The following COMT variants were observed in gnomAD, a reference collection of about 807,000 sequenced individuals.
COMT encodes the protein catechol-O-methyltransferase.
Under a neutral mutation model 18.9 loss-of-function variants are expected in COMT, and 13 were observed. The observed-to-expected ratio is 0.69, with a 90% confidence interval of 0.45 to 1.09. The LOEUF (loss-of-function observed/expected upper bound fraction) is 1.09. COMT is among the 50% of genes least tolerant of loss of function. The pLI is 0.00. For missense variants in COMT, 329 were observed against 361.8 expected, an observed-to-expected ratio of 0.91 and a Z score of 0.73; for synonymous variants, 150 against 160.9, an observed-to-expected ratio of 0.93 and a Z score of 0.51.
At chr22:19,958,991 A>G (rs1277851166) in intron 1 of COMT, among the ~76,000 whole-genome samples, 1 of 152,172 alleles carries the variant, frequency 6.6e-6, no homozygotes, top group Admixed American at 6.5e-5. Flanking sequence ...CCACAGGGGC[A>G]TTCAAAACTG....
chr22:19,948,543 C>G (rs1941876438), intron 1 of COMT, among the ~76,000 whole-genome samples: 1 of 152,070 alleles, frequency 6.6e-6, no homozygotes. Flanking sequence ...GTCTGTAGTC[C>G]CATGTACTCT....
At chr22:19,956,121 T>TTTTTTTTTC in intron 1 of COMT, among the ~76,000 whole-genome samples, 19 of 39,186 alleles carry the variant, frequency 4.8e-4, no homozygotes, top group African/African-American at 1.9e-3. Context: ...TCTTTCTTTC[T>TTTTTTTTTC]TTTTTTTCTT....
chr22:19,963,639 C>T lies in COMT; in HGVS notation c.363C>T (p.Tyr121=). ...TGGAGCTGGGGGCCTACTGTGGCTACTCAGCTGTGCGCATGGCCCGCCTGC... is the reference window on the plus strand; with the variant it reads ...TGGAGCTGGGGGCCTACTGTGGCTATTCAGCTGTGCGCATGGCCCGCCTGC... ...VLLELGAYCG[Y]SAVRMARLLS... is the part of the protein sequence containing the mutation. The change falls in exon 4 of 6, where the codon TAC becomes TAT. Residue 121 remains tyrosine (Y), a synonymous_variant. Coordinates refer to ENST00000361682, the MANE Select transcript of COMT (RefSeq NM_000754.4). 6.2e-7 allele frequency: 1 copy of T among 1,612,812 alleles called. No individual in the cohort carries two copies. The highest frequency in any genetic ancestry group is 1.1e-5 in the South Asian group (1 of 91,086).
Position 19,958,575 on chromosome 22 carries a change from TAAA to T in COMT, c.-91-2606_-91-2604del, listed in dbSNP as rs361574. Among the ~76,000 whole-genome samples, 118 of 121,648 alleles carry T rather than the reference TAAA, an allele frequency of 9.7e-4. No individual in the cohort carries two copies. In the East Asian group the frequency reaches 0.011, roughly 12 times the overall value. The allele number at this position is 121,648 out of a possible 152,430, so 79.8% of individuals were successfully genotyped here. ...CCTTGCTAACACTTGTTATTTTCCT[TAAA>T]AAAAAAAAAAAAAAAAAGCCAGCTG... On this transcript the variant is annotated intron_variant, in intron 1 of 5. Transcript: ENST00000361682.
chr22:19,960,001 G>C (rs973273990), intron 1 of COMT, among the ~76,000 whole-genome samples: 2 of 152,368 alleles, frequency 1.3e-5, no homozygotes, highest in East Asian at 1.9e-4. Context: ...CTCCTGCCAG[G>C]CAAAGGAAGG....
At chr22:19,957,036 C>T (rs894739885) in intron 1 of COMT, among the ~76,000 whole-genome samples, 16 of 151,218 alleles carry the variant, frequency 1.1e-4, no homozygotes, top group African/African-American at 3.4e-4. Flanking sequence ...CTGCAAGCTC[C>T]GCCTCTGGGG....
At chr22:19,946,910 G>GGTTTTTTTTTTTTTTTTTTTT (rs763607822) in intron 1 of COMT, among the ~76,000 whole-genome samples, 1 of 117,120 alleles carries the variant, frequency 8.5e-6, no homozygotes. Context: ...TTTTTTTTTA[G>GGTTTTTTTTTTTTTTTTTTTT]TTTTTTTTTT....
rs769492487 is a variant in COMT, at chr22:19,964,287, G to T, written c.603G>T (p.Thr201=). 8 of 1,613,890 alleles carry T rather than the reference G, an allele frequency of 5.0e-6. No individual in the cohort carries two copies. The African/African-American group carries it at 1.1e-4, about 22-fold the overall frequency. Reference sequence around the variant, plus strand: ...GGAAGGACCGGTACCTGCCGGACACGCTTCTCTTGGAGGTGAGCCCCAACC... The same window carrying T: ...GGAAGGACCGGTACCTGCCGGACACTCTTCTCTTGGAGGTGAGCCCCAACC... ...DHWKDRYLPD[T]LLLEECGLLR... is the part of the protein sequence containing the mutation. Residue 201 remains threonine, a synonymous_variant, in exon 5 of 6, where the codon ACG becomes ACT. Transcript: ENST00000361682.
rs2146120385 is a variant in COMT, at chr22:19,941,783, C to T, written c.-206C>T. The T allele has an allele frequency of 6.5e-7, 1 of 1,528,628 alleles. No individual in the cohort carries two copies. The highest frequency in any genetic ancestry group is 8.7e-7 in the Non-Finnish European group (1 of 1,148,114). The allele number at this position is 1,528,628 out of a possible 1,614,324, so 94.7% of individuals were successfully genotyped here. A position where few individuals can be genotyped will look rare whatever the true frequency, so the allele number is the denominator to read the frequency against. On this transcript the variant is annotated 5_prime_UTR_variant, in exon 1 of 6. Transcript: ENST00000361682. The stretch of plus-strand genomic sequence containing the variant: ...GGAAGCGCCCTCCTAATCCCCGCAG[C>T]GCCACCGCCATTGCCGCCATCGTCG...
chr22:19,950,880 T>C (rs1357012624), intron 1 of COMT: 1 of 152,136 alleles, frequency 6.6e-6, no homozygotes, highest in Non-Finnish European at 1.5e-5. Context: ...CAGTTTTGTT[T>C]TGATGTGCTG....
At position 19,944,436 on chromosome 22, in the gene COMT, G is replaced by A. The variant is rs764274095; in HGVS notation, c.-92+2539G>A. On this transcript the variant is annotated intron_variant, in intron 1 of 5. Transcript: ENST00000361682. ...GGTGGTGCACTCAGGAGGCTGAGGCGGGATAATCGCTTGAACTGGGAGGTG... is the reference window on the plus strand; with the variant it reads ...GGTGGTGCACTCAGGAGGCTGAGGCAGGATAATCGCTTGAACTGGGAGGTG... 2.4e-4 allele frequency among the ~76,000 whole-genome samples: 37 copies of A among 152,016 alleles called. 1 individual carries two copies. Among genetic ancestry groups the A allele is most frequent in the Non-Finnish European group, 4.9e-4 (33 of 67,978 alleles).
rs747375116 is a variant in COMT, at chr22:19,968,557, G to T, written c.637G>T (p.Gly213Trp). Residue 213 changes from glycine to tryptophan, a missense_variant, in exon 6 of 6, where the codon GGG becomes TGG. Transcript: ENST00000361682. The part of the protein sequence containing the change: ...LLEECGLLRK[G>W]TVLLADNVIC... ...GCAGGAATGTGGCCTGCTGCGGAAGGGGACAGTGCTACTGGCTGACAACGT... is the reference window on the plus strand; with the variant it reads ...GCAGGAATGTGGCCTGCTGCGGAAGTGGACAGTGCTACTGGCTGACAACGT... 41 of 1,614,066 alleles carry T rather than the reference G, an allele frequency of 2.5e-5. No homozygotes were observed. Among genetic ancestry groups the T allele is most frequent in the Non-Finnish European group, 3.4e-5 (40 of 1,180,010 alleles).
In COMT at chr22:19,962,686, A is replaced by G. The variant is rs1179632437; in HGVS notation, c.160A>G (p.Thr54Ala). Residue 54 changes from threonine to alanine, a missense_variant, in exon 3 of 6, where the codon ACC (threonine) becomes GCC (alanine). Thr to Ala is a moderately conservative substitution (Grantham distance 58, BLOSUM62 0). Coordinates refer to ENST00000361682, the MANE Select transcript of COMT (RefSeq NM_000754.4). ...QPIHNLLMGD[T>A]KEQRILNHVL... is the part of the protein sequence containing the mutation. ...CATCCACAACCTGCTCATGGGTGAC[A>G]CCAAGGAGCAGCGCATCCTGAACCA... 4 of 1,613,500 alleles carry G rather than the reference A, an allele frequency of 2.5e-6. No homozygotes were observed. The East Asian group carries it at 6.7e-5, about 27-fold the overall frequency.
intron 1 of COMT, among the ~76,000 whole-genome samples, chr22:19,948,297 C>T (rs1941872989): frequency 6.6e-6 from 1 of 151,756 alleles, no homozygotes; most frequent in Admixed American, 6.6e-5. Flanking sequence ...TATAAGGTCA[C>T]AGGACAGATC....
intron 1 of COMT, among the ~76,000 whole-genome samples, chr22:19,953,654 C>T (rs931911781): frequency 2.0e-5 from 3 of 152,176 alleles, no homozygotes; most frequent in Non-Finnish European, 4.4e-5. Flanking sequence ...AGGGCAGGCT[C>T]CCGGGCTCAG....
chr22:19,947,319 G>T (rs1389273943), intron 1 of COMT, among the ~76,000 whole-genome samples: 1 of 152,130 alleles, frequency 6.6e-6, no homozygotes, highest in Non-Finnish European at 1.5e-5. Flanking sequence ...ATGAGAGATC[G>T]TAGAAATAAA....
chr22:19,951,593 T>C (rs766895893), intron 1 of COMT: 5 of 152,130 alleles, frequency 3.3e-5, no homozygotes, highest in Non-Finnish European at 5.9e-5. Context: ...CGGATGGTGG[T>C]TCCCATCCAG....
In COMT at chr22:19,941,870, C is replaced by T. The variant is rs1051864281; in HGVS notation, c.-119C>T. 2.2e-5 allele frequency: 31 copies of T among 1,403,390 alleles called. No homozygotes were observed. The highest frequency in any genetic ancestry group is 3.3e-5 in the Admixed American group (1 of 30,064). The allele number at this position is 1,403,390 out of a possible 1,614,324, so 86.9% of individuals were successfully genotyped here. ...TGCCTGCGCCGGACCGGGGCGGGTC[C>T]AGTCCCGGGCGGGCCGTCGCGGGAG... On this transcript the variant is annotated 5_prime_UTR_variant, in exon 1 of 6. Transcript: ENST00000361682.
chr22:19,954,512 GC>G (rs1942018591), intron 1 of COMT, among the ~76,000 whole-genome samples: 1 of 152,176 alleles, frequency 6.6e-6, no homozygotes, highest in African/African-American at 2.4e-5. Flanking sequence ...GAGTGTAATG[GC>G]ACCATCTCGG....
Sources: allele counts gnomAD v4.1 joint callset (sites outside exome capture counted in the v4.1 genomes callset), GRCh38; gene constraint gnomAD v4.1.1; transcripts MANE v1.5; gene names NCBI Gene and HGNC (gene_info 2026-07-23, HGNC 2026-07-21).